The following MRPL48 variants were observed in gnomAD, a reference collection of about 807,000 sequenced individuals.
The protein encoded by MRPL48 is large ribosomal subunit protein mL48.
In MRPL48, 16 loss-of-function variants were observed where a neutral mutation model predicts 32.9. The observed-to-expected ratio is 0.49, with a 90% CI of 0.33 to 0.74. MRPL48 has a LOEUF of 0.74. Among genes scored for constraint, MRPL48 ranks in the 30% least tolerant of loss-of-function variants. The pLI is 0.02. For synonymous variants in MRPL48, 94 were observed against 89.2 expected (o/e 1.05, Z -0.31); for missense variants, 206 against 245.3 (o/e 0.84, Z 1.07).
intron 1 of MRPL48, among the ~76,000 whole-genome samples, chr11:73,791,307 T>C (rs1947148009): frequency 2.6e-5 from 4 of 152,224 alleles, no homozygotes; most frequent in Admixed American, 2.6e-4. Context: ...GACCTTTTCT[T>C]CTTTGTAACC....
At chr11:73,823,401 C>T (rs963140806) in intron 3 of MRPL48, among the ~76,000 whole-genome samples, 13 of 152,170 alleles carry the variant, frequency 8.5e-5, no homozygotes, top group African/African-American at 3.1e-4. Context: ...TAGATACACA[C>T]ACATACACAT....
intron 3 of MRPL48, among the ~76,000 whole-genome samples, chr11:73,816,756 G>A (rs1947685293): frequency 6.6e-6 from 1 of 152,058 alleles, no homozygotes; most frequent in Admixed American, 6.6e-5. Flanking sequence ...GAGCCACCCT[G>A]CCCAGCTGGT....
chr11:73,802,873 GTTT>G (rs1947384186), intron 1 of MRPL48, among the ~76,000 whole-genome samples: 1 of 150,524 alleles, frequency 6.6e-6, no homozygotes, highest in South Asian at 2.1e-4. Context: ...CTAATTTTTT[GTTT>G]TGTAGAGAAA....
At chr11:73,845,788 C>T (rs1948276957) in intron 5 of MRPL48, among the ~76,000 whole-genome samples, 1 of 151,670 alleles carries the variant, frequency 6.6e-6, no homozygotes, top group Non-Finnish European at 1.5e-5. Context: ...AAAAAACAAG[C>T]CAGGCGCGGT....
At chr11:73,853,058 T>C (rs1235442100) in intron 5 of MRPL48, among the ~76,000 whole-genome samples, 2 of 152,042 alleles carry the variant, frequency 1.3e-5, no homozygotes, top group Non-Finnish European at 2.9e-5. Flanking sequence ...TCAATTGAAC[T>C]CAGAGATAGA....
At chr11:73,828,747 TCCC>T (rs1429880937) in intron 4 of MRPL48, among the ~76,000 whole-genome samples, 1 of 149,860 alleles carries the variant, frequency 6.7e-6, no homozygotes, top group Non-Finnish European at 1.5e-5. Flanking sequence ...TTTTGAGACA[TCCC>T]CCTTCTTTTT....
chr11:73,854,493 G>A (rs1948454534), intron 5 of MRPL48, among the ~76,000 whole-genome samples: 1 of 152,032 alleles, frequency 6.6e-6, no homozygotes, highest in Admixed American at 6.6e-5. Context: ...CACTATGTTG[G>A]CCAGACTGGT....
chr11:73,840,938 A>G (rs1186251992), intron 4 of MRPL48, among the ~76,000 whole-genome samples: 1 of 152,224 alleles, frequency 6.6e-6, no homozygotes, highest in Non-Finnish European at 1.5e-5. Context: ...AATAAGAGAA[A>G]GGCAGACAAC....
At chr11:73,822,833 A>G (rs1947807597) in intron 3 of MRPL48, among the ~76,000 whole-genome samples, 1 of 151,918 alleles carries the variant, frequency 6.6e-6, no homozygotes, top group East Asian at 1.9e-4. Flanking sequence ...CCTCCCAGCC[A>G]CTCCCCATCA....
At chr11:73,853,754 G>A (rs894581248) in intron 5 of MRPL48, among the ~76,000 whole-genome samples, 3 of 130,164 alleles carry the variant, frequency 2.3e-5, no homozygotes, top group Admixed American at 1.8e-4. Flanking sequence ...GCAGTGGCGC[G>A]ATCTCGGCTC....
At chr11:73,845,838 C>T (rs1027357162) in intron 5 of MRPL48, among the ~76,000 whole-genome samples, 4 of 151,934 alleles carry the variant, frequency 2.6e-5, no homozygotes, top group Non-Finnish European at 4.4e-5. Flanking sequence ...CAGGCTAAGG[C>T]GGGTGGATCA....
At chr11:73,841,534 C>T (rs1948185407) in intron 4 of MRPL48, among the ~76,000 whole-genome samples, 2 of 152,120 alleles carry the variant, frequency 1.3e-5, no homozygotes, top group African/African-American at 4.8e-5. Flanking sequence ...AAGACGGACA[C>T]AAAAGAGAAT....
rs763289960 is a variant in MRPL48 at position 73,825,725 on chromosome 11, A to T, written c.130A>T (p.Ile44Phe). 39 of 1,564,222 alleles carry T rather than the reference A, an allele frequency of 2.5e-5. No individual in the cohort carries two copies. The highest frequency in any genetic ancestry group is 3.2e-5 in the Non-Finnish European group (37 of 1,154,252). Residue 44 changes from isoleucine (I) to phenylalanine (F), a missense_variant, in exon 4 of 8, where the codon ATC becomes TTC. Ile to Phe is a conservative substitution (Grantham distance 21). Coordinates refer to ENST00000310614, the MANE Select transcript of MRPL48 (RefSeq NM_016055.6). ...TCTTTTAGGTGGAATTCTACTAAGT[A>T]TCAGTCGGCCCTACAAGACAAAGCC... ...IYSVGGILLS[I>F]SRPYKTKPTH...
chr11:73,812,480 T>C (rs113805246), intron 3 of MRPL48, among the ~76,000 whole-genome samples: 113 of 152,126 alleles, frequency 7.4e-4, no homozygotes, highest in African/African-American at 2.6e-3. Flanking sequence ...TGCCAGACTA[T>C]CCACCAGAGA....
Position 73,864,487 on chromosome 11 carries a change from C to G in MRPL48, c.*117C>G, listed in dbSNP as rs14942. On this transcript the variant is annotated 3_prime_UTR_variant, in exon 8 of 8. Transcript: ENST00000310614. ...CCTTAGATTTCATAAGTACCCATTC[C>G]CATAGCCAGTAATGTCCTCACTCCT... 9.0e-6 allele frequency: 9 copies of G among 998,910 alleles called. No homozygotes were observed. The South Asian group carries it at 9.9e-5, about 11-fold the overall frequency. The allele number at this position is 998,910 out of a possible 1,614,324, so 61.9% of individuals were successfully genotyped here.
intron 1 of MRPL48, among the ~76,000 whole-genome samples, chr11:73,796,150 C>T (rs1947250607): frequency 6.6e-6 from 1 of 152,216 alleles, no homozygotes; most frequent in East Asian, 1.9e-4. Flanking sequence ...GTGCCCAAGT[C>T]ATGGCTGTGG....
intron 3 of MRPL48, among the ~76,000 whole-genome samples, chr11:73,820,247 C>T (rs1947752508): frequency 6.6e-6 from 1 of 152,166 alleles, no homozygotes; most frequent in Non-Finnish European, 1.5e-5. Context: ...TTTTTTGAGA[C>T]AGAGTCTCGC....
intron 5 of MRPL48, among the ~76,000 whole-genome samples, chr11:73,846,067 CAAAAAAAAAA>C (rs749259766): frequency 6.9e-5 from 4 of 57,838 alleles, no homozygotes; most frequent in African/African-American, 1.4e-4. Flanking sequence ...GACCCTGTCT[CAAAAAAAAAA>C]AAAAAAAAAA....
At chr11:73,819,598 A>T (rs972932619) in intron 3 of MRPL48, among the ~76,000 whole-genome samples, 19 of 152,230 alleles carry the variant, frequency 1.2e-4, no homozygotes, top group East Asian at 5.8e-4. Context: ...TGTCTCATTC[A>T]TTGTTGTCTT....
Sources: allele counts gnomAD v4.1 joint callset (sites outside exome capture counted in the v4.1 genomes callset), GRCh38; gene constraint gnomAD v4.1.1; transcripts MANE v1.5; gene names NCBI Gene and HGNC (gene_info 2026-07-23, HGNC 2026-07-21).